PRR16: variants seen among roughly 807,000 people sequenced by gnomAD.
PRR16 encodes the protein proline rich 16, also known as protein Largen.
PRR16 carries 6 observed loss-of-function variants against 18.2 expected under a neutral mutation model. That is an observed-to-expected ratio of 0.33 (90% CI 0.18 to 0.65). The LOEUF (loss-of-function observed/expected upper bound fraction) is 0.65. Ranked by LOEUF, PRR16 falls within the 30% of genes least tolerant of loss-of-function variation. PRR16 has a pLI of 0.74. For missense variants in PRR16, 412 were observed against 376.6 expected, an observed-to-expected ratio of 1.09 and a Z score of -0.78; for synonymous variants, 151 against 147.8, an observed-to-expected ratio of 1.02 and a Z score of -0.16.
the PRR16 span, among the ~76,000 whole-genome samples, chr5:120,711,295 T>A: frequency 6.6e-6 from 1 of 152,186 alleles, no homozygotes; most frequent in East Asian, 1.9e-4. Context: ...TACAATTATT[T>A]AATTTATAAT....
the PRR16 span, among the ~76,000 whole-genome samples, chr5:120,757,347 G>A: frequency 2.0e-5 from 3 of 151,932 alleles, no homozygotes; most frequent in Non-Finnish European, 4.4e-5. Flanking sequence ...TTCTAGTTCT[G>A]TGAATAATAA....
chr5:120,694,447 G>A, the PRR16 span, among the ~76,000 whole-genome samples: 1 of 152,166 alleles, frequency 6.6e-6, no homozygotes, highest in African/African-American at 2.4e-5. Flanking sequence ...CACTTTGGGA[G>A]ACCGAGGCGG....
chr5:120,600,515 A>G (rs541694988), intron 1 of PRR16, among the ~76,000 whole-genome samples: 7 of 151,922 alleles, frequency 4.6e-5, no homozygotes, highest in South Asian at 2.1e-4. Flanking sequence ...GGCTAAGACT[A>G]ATGTCTAATG....
At chr5:120,626,738 A>G (rs1257822755) in intron 1 of PRR16, among the ~76,000 whole-genome samples, 1 of 152,152 alleles carries the variant, frequency 6.6e-6, no homozygotes, top group African/African-American at 2.4e-5. Flanking sequence ...TGTAATTTTT[A>G]AACTTATCTG....
At chr5:120,612,713 A>T (rs1754375387) in intron 1 of PRR16, among the ~76,000 whole-genome samples, 1 of 152,190 alleles carries the variant, frequency 6.6e-6, no homozygotes, top group South Asian at 2.1e-4. Flanking sequence ...CGGCAGCATG[A>T]AAACAGACTA....
At chr5:120,657,037 C>G (rs1032320443) in intron 1 of PRR16, among the ~76,000 whole-genome samples, 1 of 151,850 alleles carries the variant, frequency 6.6e-6, no homozygotes, top group African/African-American at 2.4e-5. Context: ...TTAGATTGTT[C>G]GAAAGAAGAT....
intron 1 of PRR16, among the ~76,000 whole-genome samples, chr5:120,630,570 C>G (rs545462455): frequency 2.1e-4 from 13 of 62,686 alleles, no homozygotes; most frequent in Non-Finnish European, 3.0e-5. Context: ...GTTGCAAAAA[C>G]GAACACCTTT....
Position 120,464,481 on chromosome 5 carries a change from C to T in PRR16, c.-6C>T, listed in dbSNP as rs764344178. On this transcript the variant is annotated 5_prime_UTR_variant, in exon 1 of 2. Transcript: ENST00000407149. ...TGTCCTGACCTGCCTCGCTTGCCCCCAAAGAATGTCAGCCAAGTCCAAGGG... is the reference window on the plus strand; with the variant it reads ...TGTCCTGACCTGCCTCGCTTGCCCCTAAAGAATGTCAGCCAAGTCCAAGGG... The T allele has an allele frequency of 1.3e-6, 2 of 1,584,814 alleles. No individual in the cohort carries two copies. The highest frequency in any genetic ancestry group is 2.3e-5 in the South Asian group (2 of 88,126).
intron 1 of PRR16, among the ~76,000 whole-genome samples, chr5:120,510,463 A>G (rs1386765131): frequency 6.6e-6 from 1 of 152,200 alleles, no homozygotes; most frequent in Non-Finnish European, 1.5e-5. Flanking sequence ...ATTGTGCAAC[A>G]GAGCCTGCTA....
intron 1 of PRR16, among the ~76,000 whole-genome samples, chr5:120,597,628 G>T (rs1036311156): frequency 1.3e-5 from 2 of 151,628 alleles, no homozygotes; most frequent in Non-Finnish European, 1.5e-5. Context: ...GTATTTCAAG[G>T]ATTCTGTTCT....
At chr5:120,580,759 A>G (rs1192072775) in intron 1 of PRR16, among the ~76,000 whole-genome samples, 3 of 152,114 alleles carry the variant, frequency 2.0e-5, no homozygotes, top group Non-Finnish European at 4.4e-5. Context: ...ATTTTATCAG[A>G]GAACTTTTCT....
chr5:120,488,052 G>A (rs1366356045), intron 1 of PRR16, among the ~76,000 whole-genome samples: 1 of 152,184 alleles, frequency 6.6e-6, no homozygotes, highest in African/African-American at 2.4e-5. Flanking sequence ...TGGTTTGCCA[G>A]TATTTTATTG....
the PRR16 span, among the ~76,000 whole-genome samples, chr5:120,768,085 G>C: frequency 2.0e-5 from 3 of 151,710 alleles, no homozygotes; most frequent in Non-Finnish European, 4.4e-5. Flanking sequence ...CCTACTCCCA[G>C]CCCAAATCAA....
intron 1 of PRR16, among the ~76,000 whole-genome samples, chr5:120,482,788 A>C (rs1184673317): frequency 6.6e-6 from 1 of 152,134 alleles, no homozygotes; most frequent in Non-Finnish European, 1.5e-5. Flanking sequence ...TTACCCTGTT[A>C]GCTTACCATA....
At chr5:120,600,964 G>A (rs545446441) in intron 1 of PRR16, among the ~76,000 whole-genome samples, 39 of 151,548 alleles carry the variant, frequency 2.6e-4, no homozygotes, top group Non-Finnish European at 4.3e-4. Flanking sequence ...TTCTTTATCC[G>A]GCCCACCATT....
chr5:120,638,407 T>G (rs756980932), intron 1 of PRR16, among the ~76,000 whole-genome samples: 4 of 152,118 alleles, frequency 2.6e-5, no homozygotes, highest in Non-Finnish European at 4.4e-5. Context: ...AGCCATTTTT[T>G]GGAATTCATG....
chr5:120,490,276 C>T (rs1580637824), intron 1 of PRR16, among the ~76,000 whole-genome samples: 2 of 152,212 alleles, frequency 1.3e-5, no homozygotes, highest in East Asian at 1.9e-4. Context: ...CTCCCCGTCA[C>T]TTTCATGTAC....
At chr5:120,528,000 T>C (rs2897287) in intron 1 of PRR16, among the ~76,000 whole-genome samples, 64,377 of 152,090 alleles carry the variant, frequency 0.42, 16,022 homozygotes, top group African/African-American at 0.69. Context: ...TTTAAAGATC[T>C]CAAATTGAGT....
rs529352871 is a variant in PRR16 at position 120,608,516 on chromosome 5, A to T, written c.160-77438A>T. 2.9e-4 allele frequency among the ~76,000 whole-genome samples: 44 copies of T among 152,312 alleles called. 1 individual carries two copies. The highest frequency in any genetic ancestry group is 4.9e-4 in the Non-Finnish European group (33 of 68,012). On this transcript the variant is annotated intron_variant, in intron 1 of 1. Coordinates refer to ENST00000407149, the MANE Select transcript of PRR16 (RefSeq NM_001300783.2). ...AAAATATAGACATGTTCACAAGATG[A>T]TTACTTGTTTACTGCTTAACAGTCC...
Sources: allele counts gnomAD v4.1 joint callset (sites outside exome capture counted in the v4.1 genomes callset), GRCh38; gene constraint gnomAD v4.1.1; transcripts MANE v1.5; gene names NCBI Gene and HGNC (gene_info 2026-07-23, HGNC 2026-07-21).